The following PUDP variants were observed in gnomAD, a reference collection of about 807,000 sequenced individuals.
PUDP encodes pseudouridine-5'-phosphatase.
Under a neutral mutation model 9.4 loss-of-function variants are expected in PUDP, and 8 were observed. That is an observed-to-expected ratio of 0.85 (90% confidence interval 0.50 to 1.53). The LOEUF is 1.53. Among genes scored for constraint, PUDP ranks in the 40% most tolerant of loss-of-function variants. The probability of loss-of-function intolerance (pLI) is 0.00; values close to 1 mark genes in which losing one functional copy is unlikely to be tolerated. For synonymous variants in PUDP, 99 were observed against 80.7 expected (o/e 1.23, Z -1.22); for missense variants, 188 against 189.7 (o/e 0.99, Z 0.05).
chrX:6,905,002 C>T (rs908692498), intron 3 of PUDP, among the ~76,000 whole-genome samples: 20 of 112,192 alleles, frequency 1.8e-4, no homozygotes, highest in African/African-American at 6.2e-4. Flanking sequence ...AATGCCTGTC[C>T]ATCCCTGACT....
chrX:6,936,864 G>A (rs1464600988), intron 3 of PUDP, among the ~76,000 whole-genome samples: 1 of 97,583 alleles, frequency 1.0e-5, no homozygotes, highest in Non-Finnish European at 2.0e-5. Context: ...CAAATCATGA[G>A]TGAACTCCCA....
chrX:7,018,690 G>C (rs1929586127), intron 1 of PUDP, among the ~76,000 whole-genome samples: 1 of 112,108 alleles, frequency 8.9e-6, no homozygotes, highest in Non-Finnish European at 1.9e-5. Flanking sequence ...CTAACTTGCT[G>C]GTTCTCCATG....
In PUDP at chrX:6,975,796, C is replaced by T. The variant is rs778660149; in HGVS notation, c.*247+1337G>A. Among the ~76,000 whole-genome samples, 9 of 112,114 alleles carry T rather than the reference C, an allele frequency of 8.0e-5. No homozygotes were observed. In the South Asian group the frequency reaches 2.6e-3, roughly 33 times the overall value. ...CCAGCAGGCAGGAATGCTGAAGCTG[C>T]GCCCACAGCCGCCCCTTCCCCCAGG... is the stretch of plus-strand genomic sequence containing the variant. On this transcript the variant is annotated intron_variant and NMD_transcript_variant, in intron 3 of 3. Transcript: ENST00000655425.
At position 6,780,175 on chromosome X, in the gene PUDP, A is replaced by G. The variant is rs761928702; in HGVS notation, c.*248-73709T>C. ...CACACATATATACACATACACACAC[A>G]TATACACATACACACATTCTTGATC... On this transcript the variant is annotated intron_variant and NMD_transcript_variant, in intron 3 of 3. Transcript: ENST00000655425. 4.3e-4 allele frequency among the ~76,000 whole-genome samples: 47 copies of G among 109,926 alleles called. 1 individual carries two copies. The highest frequency in any genetic ancestry group is 8.1e-4 in the Non-Finnish European group (43 of 52,763).
At chrX:7,027,797 T>A (rs1161568127) in intron 1 of PUDP, among the ~76,000 whole-genome samples, 1 of 45,845 alleles carries the variant, frequency 2.2e-5, no homozygotes, top group African/African-American at 8.9e-5. Flanking sequence ...ATATATAGAA[T>A]ATATTATTTT....
intron 3 of PUDP, among the ~76,000 whole-genome samples, chrX:6,889,641 C>G (rs768206851): frequency 1.8e-5 from 2 of 109,843 alleles, no homozygotes; most frequent in South Asian, 3.9e-4. Flanking sequence ...ATTAATTATC[C>G]CTTTTTTTCC....
At chrX:6,738,993 C>T (rs1189800278) in intron 3 of PUDP, among the ~76,000 whole-genome samples, 2 of 111,635 alleles carry the variant, frequency 1.8e-5, no homozygotes, top group African/African-American at 3.3e-5. Flanking sequence ...CAAACACCTG[C>T]GTTGAGTCAC....
At chrX:6,846,708 T>C (rs924728626) in intron 3 of PUDP, among the ~76,000 whole-genome samples, 13 of 111,650 alleles carry the variant, frequency 1.2e-4, no homozygotes, top group African/African-American at 3.3e-4. Flanking sequence ...AAAAAATGAG[T>C]ATTACTGATG....
intron 3 of PUDP, among the ~76,000 whole-genome samples, chrX:6,854,665 G>A (rs1926878385): frequency 9.0e-6 from 1 of 111,162 alleles, no homozygotes; most frequent in Admixed American, 9.5e-5. Context: ...AATAATCTAG[G>A]GAAAATAAAA....
upstream of PUDP, among the ~76,000 whole-genome samples, chrX:6,722,549 T>G (rs1454771063): frequency 1.8e-5 from 2 of 111,950 alleles, no homozygotes; most frequent in Non-Finnish European, 3.8e-5. Flanking sequence ...CTGAAGATAC[T>G]AAATGCATAA....
intron 3 of PUDP, among the ~76,000 whole-genome samples, chrX:6,916,360 C>G (rs965484896): frequency 4.6e-5 from 5 of 109,163 alleles, no homozygotes; most frequent in African/African-American, 1.3e-4. Flanking sequence ...GTCGTGCCTC[C>G]CCAAACCATT....
At chrX:7,036,626 C>T (rs1780158826) in intron 1 of PUDP, among the ~76,000 whole-genome samples, 1 of 110,109 alleles carries the variant, frequency 9.1e-6, no homozygotes, top group African/African-American at 3.3e-5. Flanking sequence ...CAAAACCATC[C>T]TTCAAATTCT....
chrX:7,105,851 A>G lies in PUDP; in HGVS notation c.62-13T>C. ...AGCCGTTCAGTATCTGCAGGAAAAAAAAAAGAGATTTTTAGAGTGCATACT... is the reference window on the plus strand; with the variant it reads ...AGCCGTTCAGTATCTGCAGGAAAAAGAAAAGAGATTTTTAGAGTGCATACT... On this transcript the variant is annotated splice_polypyrimidine_tract_variant and intron_variant, in intron 1 of 3. Coordinates refer to ENST00000381077, the MANE Select transcript of PUDP (RefSeq NM_012080.5). 1 of 1,140,149 alleles carries G rather than the reference A, an allele frequency of 8.8e-7. No individual in the cohort carries two copies. The highest frequency in any genetic ancestry group is 1.8e-5 in the African/African-American group (1 of 55,934). The allele number at this position is 1,140,149 out of a possible 1,213,427, so 94.0% of individuals were successfully genotyped here.
At chrX:7,040,623 A>G (rs1929908963) in intron 1 of PUDP, among the ~76,000 whole-genome samples, 1 of 112,144 alleles carries the variant, frequency 8.9e-6, no homozygotes, top group Non-Finnish European at 1.9e-5. Flanking sequence ...TGCAAGGAAA[A>G]TAAGTGCTTG....
At chrX:7,115,740 C>T (rs912225308) in intron 1 of PUDP, among the ~76,000 whole-genome samples, 4 of 112,607 alleles carry the variant, frequency 3.6e-5, no homozygotes, top group Non-Finnish European at 1.9e-5. Context: ...GCTCTCTATG[C>T]TCCTGGCACA....
intron 3 of PUDP, among the ~76,000 whole-genome samples, chrX:6,955,219 CT>C (rs376301949): frequency 0.039 from 4,023 of 102,381 alleles, 86 homozygotes; most frequent in African/African-American, 0.085. Context: ...CTTTTAGTTC[CT>C]TTTTTTTTTT....
intron 3 of PUDP, among the ~76,000 whole-genome samples, chrX:6,888,329 C>G (rs7472044): frequency 0.11 from 12,437 of 109,744 alleles, 750 homozygotes; most frequent in East Asian, 0.46. Flanking sequence ...ATCACATGTA[C>G]GTGAACATTT....
intron 3 of PUDP, chrX:7,057,918 G>A: frequency 1.7e-6 from 1 of 578,866 alleles, no homozygotes; most frequent in Admixed American, 3.0e-5. Context: ...CCCGCGGCTT[G>A]TGATGCTCTC....
chrX:6,796,615 G>A (rs751084770), intron 3 of PUDP, among the ~76,000 whole-genome samples: 4 of 111,789 alleles, frequency 3.6e-5, no homozygotes, highest in East Asian at 5.6e-4. Flanking sequence ...TAGAATCACC[G>A]GATAGTCCAA....
Sources: gnomAD v4.1 joint callset for allele counts (sites outside exome capture counted in the v4.1 genomes callset) on GRCh38, gnomAD v4.1.1 for gene constraint, MANE v1.5 for transcripts, NCBI Gene and HGNC (gene_info 2026-07-23, HGNC 2026-07-21) for gene names.